The following SOS1 variants were observed in gnomAD, a reference collection of about 807,000 sequenced individuals.
SOS1 encodes the protein son of sevenless homolog 1.
A neutral mutation model predicts 157.6 loss-of-function variants in SOS1; 25 were observed. The observed-to-expected ratio is 0.16, with a 90% CI of 0.12 to 0.22. The LOEUF is 0.22. Among genes scored for constraint, SOS1 ranks in the 10% least tolerant of loss-of-function variants. The pLI is 1.00. For missense variants in SOS1, 1,237 were observed against 1,599.1 expected (o/e 0.77, Z 3.86); for synonymous variants, 528 against 534.0 (o/e 0.99, Z 0.16).
chr2:39,073,702 G>A (rs1044736009), intron 1 of SOS1, among the ~76,000 whole-genome samples: 1 of 152,140 alleles, frequency 6.6e-6, no homozygotes, highest in Non-Finnish European at 1.5e-5. Flanking sequence ...GGTGTATATC[G>A]ATTCCTAGTT....
chr2:39,042,581 T>G (rs1353969717), intron 6 of SOS1, among the ~76,000 whole-genome samples: 1 of 151,976 alleles, frequency 6.6e-6, no homozygotes, highest in Non-Finnish European at 1.5e-5. Context: ...TTTTTTGTAC[T>G]TTTAGTAGAG....
At chr2:38,998,709 C>CGTGGTTGTG (rs946066727) in intron 17 of SOS1, among the ~76,000 whole-genome samples, 3 of 152,094 alleles carry the variant, frequency 2.0e-5, no homozygotes, top group African/African-American at 7.2e-5. Context: ...ATTAATTAGC[C>CGTGGTTGTG]GTGGTTGTGA....
At chr2:38,995,425 CTG>C in intron 19 of SOS1, 38 bp from the exon 20 acceptor site, 2 of 1,572,398 alleles carry the variant, frequency 1.3e-6, no homozygotes, top group African/African-American at 1.3e-5. Context: ...ACTTTAAACA[CTG>C]TAGTAGAAAG....
chr2:39,043,797 T>C (rs1162492531), intron 6 of SOS1, among the ~76,000 whole-genome samples: 1 of 152,118 alleles, frequency 6.6e-6, no homozygotes, highest in East Asian at 1.9e-4. Context: ...GATGACCTTA[T>C]CTAATCCTAA....
At chr2:39,110,521 T>C (rs941126531) in intron 1 of SOS1, among the ~76,000 whole-genome samples, 1 of 151,336 alleles carries the variant, frequency 6.6e-6, no homozygotes, top group African/African-American at 2.4e-5. Flanking sequence ...ATACTGCCTA[T>C]GGCACAGCCC....
intron 1 of SOS1, among the ~76,000 whole-genome samples, chr2:39,099,246 A>G (rs1484670861): frequency 6.6e-6 from 1 of 152,250 alleles, no homozygotes; most frequent in East Asian, 1.9e-4. Context: ...GTATACATCA[A>G]TGCAACACAA....
rs1572792522 is a variant in SOS1, at chr2:38,981,804, A to G, written c.*4020T>C. 1 of 152,194 alleles carries G rather than the reference A, an allele frequency of 6.6e-6. No individual in the cohort carries two copies. Among genetic ancestry groups the G allele is most frequent in the Non-Finnish European group, 1.5e-5 (1 of 68,044 alleles). The allele number at this position is 152,194 out of a possible 1,614,324, so 9.4% of individuals were successfully genotyped here. A position where few individuals can be genotyped will look rare whatever the true frequency, so the allele number is the denominator to read the frequency against. On this transcript the variant is annotated 3_prime_UTR_variant, in exon 23 of 23. Coordinates refer to ENST00000402219, the MANE Select transcript of SOS1 (RefSeq NM_005633.4). Reference sequence around the variant, plus strand: ...TAGCAAATAACCGTGCTACTAAACAAAGGCAAATACACATATATACACAAA... The same window carrying G: ...TAGCAAATAACCGTGCTACTAAACAGAGGCAAATACACATATATACACAAA...
At chr2:39,113,453 G>A (rs947891596) in intron 1 of SOS1, among the ~76,000 whole-genome samples, 1 of 150,084 alleles carries the variant, frequency 6.7e-6, no homozygotes, top group African/African-American at 2.5e-5. Context: ...AAGTGTTGGC[G>A]TCAATAGCAT....
At chr2:39,118,857 G>C (rs1365486458) in intron 1 of SOS1, among the ~76,000 whole-genome samples, 1 of 152,214 alleles carries the variant, frequency 6.6e-6, no homozygotes, top group Non-Finnish European at 1.5e-5. Flanking sequence ...CAGTGTGGCA[G>C]AATTAAACAA....
chr2:39,013,670 C>T (rs1353641057), intron 12 of SOS1, 107 bp from the exon 13 acceptor site: 2 of 947,894 alleles, frequency 2.1e-6, no homozygotes, highest in Non-Finnish European at 1.7e-6. Flanking sequence ...CCAAATTAAT[C>T]TTATCAGTGT....
chr2:39,023,078 A>C lies in SOS1; in HGVS notation c.1350T>G (p.Leu450=). Residue 450 remains leucine, a synonymous_variant, in exon 10 of 23, where the codon CTT becomes CTG. Transcript: ENST00000402219. ...TCTCATGTTTGGCTCCTACACGTGT[A>C]AGAGTTCCTTCCATTATAAATTCAT... ...CCNEFIMEGT[L]TRVGAKHERH... 2 of 1,613,746 alleles carry C rather than the reference A, an allele frequency of 1.2e-6. No homozygotes were observed. The highest frequency in any genetic ancestry group is 1.7e-6 in the Non-Finnish European group (2 of 1,179,740).
chr2:39,111,097 G>C (rs949281376), intron 1 of SOS1, among the ~76,000 whole-genome samples: 1 of 152,228 alleles, frequency 6.6e-6, no homozygotes, highest in Non-Finnish European at 1.5e-5. Context: ...TCCAGGTGTG[G>C]TGGCACATGC....
At chr2:39,088,682 T>C (rs1346803136) in intron 1 of SOS1, among the ~76,000 whole-genome samples, 7 of 152,334 alleles carry the variant, frequency 4.6e-5, no homozygotes, top group South Asian at 2.1e-4. Flanking sequence ...TGAATAGTAT[T>C]CTATTACATG....
intron 1 of SOS1, chr2:39,098,566 A>T (rs752021111): frequency 6.6e-6 from 1 of 152,546 alleles, no homozygotes; most frequent in Non-Finnish European, 1.5e-5. Context: ...TGCGATTCAT[A>T]TATTTGATAA....
chr2:38,995,468 T>G, intron 19 of SOS1, 81 bp from the exon 20 acceptor site: 1 of 1,056,788 alleles, frequency 9.5e-7, no homozygotes, highest in Non-Finnish European at 1.5e-6. Context: ...CTGGTAAAAT[T>G]CAGCTAATAT....
rs1361990323 is a variant in SOS1 at position 39,023,286 on chromosome 2, A to C, written c.1203-61T>G. Reference sequence around the variant, plus strand: ...TGACAGAAAACCTAGAGCTCATGTAAGTAAGGGAAAGTGTAAAAGTAGATT... The same window carrying C: ...TGACAGAAAACCTAGAGCTCATGTACGTAAGGGAAAGTGTAAAAGTAGATT... On this transcript the variant is annotated intron_variant, in intron 9 of 22. Coordinates refer to ENST00000402219, the MANE Select transcript of SOS1 (RefSeq NM_005633.4). The C allele has an allele frequency of 5.7e-6, 7 of 1,229,642 alleles. No individual in the cohort carries two copies. In the African/African-American group the frequency reaches 1.1e-4, roughly 19 times the overall value. The allele number at this position is 1,229,642 out of a possible 1,614,324, so 76.2% of individuals were successfully genotyped here.
intron 2 of SOS1, among the ~76,000 whole-genome samples, chr2:39,063,710 A>G (rs1485810573): frequency 6.6e-6 from 1 of 152,250 alleles, no homozygotes; most frequent in African/African-American, 2.4e-5. Context: ...CTAAAACTAT[A>G]CAGCAACTAA....
intron 1 of SOS1, among the ~76,000 whole-genome samples, chr2:39,077,144 A>G (rs998598783): frequency 1.2e-4 from 19 of 152,150 alleles, no homozygotes; most frequent in African/African-American, 4.3e-4. Flanking sequence ...GGCGTTCGAC[A>G]CCAGGCTGAC....
intron 1 of SOS1, among the ~76,000 whole-genome samples, chr2:39,105,039 C>T (rs1673113394): frequency 6.6e-6 from 1 of 151,886 alleles, no homozygotes; most frequent in Admixed American, 6.6e-5. Flanking sequence ...TAAAAAAAAT[C>T]AAAGAAAAAG....
Sources: gnomAD v4.1 joint callset for allele counts (sites outside exome capture counted in the v4.1 genomes callset) on GRCh38, gnomAD v4.1.1 for gene constraint, MANE v1.5 for transcripts, NCBI Gene and HGNC (gene_info 2026-07-23, HGNC 2026-07-21) for gene names.